Variants in ETAA1 observed in about 807,000 individuals in gnomAD.
ETAA1 encodes the protein ETAA1 activator of ATR kinase, also known as ewing's tumor-associated antigen 1.
A neutral mutation model predicts 76.8 loss-of-function variants in ETAA1; 49 were observed. The ratio of observed to expected loss-of-function variants is 0.64; its 90% CI spans 0.51 to 0.81. The LOEUF is 0.81. Among genes scored for constraint, ETAA1 ranks in the 30% least tolerant of loss-of-function variants. ETAA1 has a pLI of 0.00. For missense variants in ETAA1, 1,099 were observed against 1,074.0 expected, an observed-to-expected ratio of 1.02 and a Z score of -0.32; for synonymous variants, 373 against 372.2, an observed-to-expected ratio of 1.00 and a Z score of -0.03.
At chr2:67,397,750 G>C in intron 1 of ETAA1, 79 bp downstream of exon 1, 1 of 1,392,788 alleles carries the variant, frequency 7.2e-7, no homozygotes, top group Admixed American at 2.0e-5. Flanking sequence ...GAAATCTGGG[G>C]TGGGGGTGGA....
In ETAA1 at chr2:67,411,924, G is replaced by A. The variant is rs1676382114; in HGVS notation, c.*1886G>A. 2 of 151,898 alleles carry A rather than the reference G, an allele frequency of 1.3e-5. No individual in the cohort carries two copies. Among genetic ancestry groups the A allele is most frequent in the South Asian group, 4.1e-4 (2 of 4,822 alleles). The allele number at this position is 151,898 out of a possible 1,614,324, so 9.4% of individuals were successfully genotyped here. A position where few individuals can be genotyped will look rare whatever the true frequency, so the allele number is the denominator to read the frequency against. ...CTGCTTACTGCTTGCTTTTTTAAGA[G>A]TACTTTTAGCCTATTCTGTTCATTC... On this transcript the variant is annotated 3_prime_UTR_variant, in exon 6 of 6. Transcript: ENST00000272342.
intron 5 of ETAA1, among the ~76,000 whole-genome samples, chr2:67,407,246 T>TAAAAAAAAA (rs71395915): frequency 2.0e-5 from 2 of 102,294 alleles, no homozygotes; most frequent in Non-Finnish European, 2.1e-5. Flanking sequence ...GCTGATGAAC[T>TAAAAAAAAA]AAAAAAAAAA....
In ETAA1 at chr2:67,403,092, G is replaced by GAC. The variant is rs553377987; in HGVS notation, c.542+119_542+120insCA. The GAC allele has an allele frequency of 5.2e-4, 592 of 1,138,236 alleles. 5 individuals are homozygous for GAC. In the African/African-American group the frequency reaches 8.5e-3, roughly 16 times the overall value. The allele number at this position is 1,138,236 out of a possible 1,614,324, so 70.5% of individuals were successfully genotyped here. A position where few individuals can be genotyped will look rare whatever the true frequency, so the allele number is the denominator to read the frequency against. On this transcript the variant is annotated intron_variant, in intron 4 of 5. Coordinates refer to ENST00000272342, the MANE Select transcript of ETAA1 (RefSeq NM_019002.4). ...TTGTTAATAAAATTTCCACAGTTTTGATCTATCAAATTTTGGAGTTAAAAT... is the reference window on the plus strand; with the variant it reads ...TTGTTAATAAAATTTCCACAGTTTTGACATCTATCAAATTTTGGAGTTAAAAT...
chr2:67,399,481 A>C, intron 2 of ETAA1, 69 bp from the exon 3 acceptor site: 1 of 1,282,278 alleles, frequency 7.8e-7, no homozygotes, highest in Non-Finnish European at 1.1e-6. Context: ...CTTTCTAAGA[A>C]GTGACAGCTG....
chr2:67,397,907 TA>T (rs1675928593), intron 1 of ETAA1, among the ~76,000 whole-genome samples: 1 of 152,168 alleles, frequency 6.6e-6, no homozygotes, highest in Non-Finnish European at 1.5e-5. Context: ...CAGGAATAGG[TA>T]ATGTGGTTTA....
chr2:67,403,702 A>G lies in ETAA1; in HGVS notation c.1020A>G (p.Pro340=). 6.2e-7 allele frequency: 1 copy of G among 1,613,412 alleles called. No homozygotes were observed. The change falls in exon 5 of 6, where the codon CCA becomes CCG. Residue 340 remains proline (P), a synonymous_variant. Transcript: ENST00000272342. The part of the protein sequence containing the change: ...LVIEKLSNKT[P]RSLSSQVDTP... ...TTGAAAAACTGTCAAATAAAACCCC[A>G]CGATCACTTTCTTCTCAAGTAGATA...
intron 3 of ETAA1, chr2:67,401,034 T>G (rs1253014109): frequency 1.3e-5 from 2 of 152,066 alleles, no homozygotes; most frequent in Admixed American, 1.3e-4. Context: ...CATAATAAAA[T>G]GTGTTTGGGT....
intron 1 of ETAA1, among the ~76,000 whole-genome samples, chr2:67,398,453 A>G (rs1675958578): frequency 6.6e-6 from 1 of 151,804 alleles, no homozygotes; most frequent in Non-Finnish European, 1.5e-5. Flanking sequence ...CTCCTGCCTC[A>G]GCCTCCCAAG....
chr2:67,408,782 GT>G (rs1676286950), intron 5 of ETAA1, among the ~76,000 whole-genome samples: 1 of 152,094 alleles, frequency 6.6e-6, no homozygotes, highest in African/African-American at 2.4e-5. Context: ...AGGAAGTTAT[GT>G]TTTCTGCTGT....
At position 67,403,565 on chromosome 2, in the gene ETAA1, G is replaced by C. The variant is rs189478486; in HGVS notation, c.883G>C (p.Gly295Arg). Residue 295 changes from glycine (G) to arginine (R), a missense_variant, in exon 5 of 6, where the codon GGA becomes CGA. Coordinates refer to ENST00000272342, the MANE Select transcript of ETAA1 (RefSeq NM_019002.4). ...TGATGGTTCTACTCAGAAATGTAGC[G>C]GACAGTTAAGCCAAGAACTGCCAGA... ...IFDGSTQKCS[G>R]QLSQELPEAF... 1 of 1,613,242 alleles carries C rather than the reference G, an allele frequency of 6.2e-7. No homozygotes were observed. Among genetic ancestry groups the C allele is most frequent in the Non-Finnish European group, 8.5e-7 (1 of 1,179,384 alleles).
Position 67,399,284 on chromosome 2 carries a change from G to A in ETAA1, c.339G>A (p.Leu113=). The A allele has an allele frequency of 6.2e-7, 1 of 1,610,236 alleles. No individual in the cohort carries two copies. Among genetic ancestry groups the A allele is most frequent in the South Asian group, 1.1e-5 (1 of 89,996 alleles). ...TCTTTTGGGATCAGAATTCTCCATT[G>A]ACAAAGCAGTTAGGTAATTAATTAT... The part of the protein sequence containing the change: ...NDIFWDQNSP[L]TKQLGKGRKK... The change falls in exon 2 of 6, where the codon TTG becomes TTA. Residue 113 remains leucine (L), a synonymous_variant. Coordinates refer to ENST00000272342, the MANE Select transcript of ETAA1 (RefSeq NM_019002.4).
chr2:67,409,284 G>T (rs933789891), intron 5 of ETAA1, among the ~76,000 whole-genome samples: 8 of 152,020 alleles, frequency 5.3e-5, no homozygotes, highest in African/African-American at 1.9e-4. Flanking sequence ...AGTTAATTGA[G>T]ATTATTTTAA....
intron 2 of ETAA1, 103 bp downstream of exon 2, chr2:67,399,400 G>GT: frequency 8.3e-7 from 1 of 1,208,938 alleles, no homozygotes; most frequent in Non-Finnish European, 1.2e-6. Flanking sequence ...CTCTGAGAAT[G>GT]TTATATGATT....
intron 3 of ETAA1, 31 bp from the exon 4 acceptor site, chr2:67,402,831 T>C: frequency 6.7e-7 from 1 of 1,500,520 alleles, no homozygotes; most frequent in Non-Finnish European, 9.0e-7. Context: ...CACTGGTACT[T>C]TATACCTCTT....
rs1486895186 is a variant in ETAA1 at position 67,397,521 on chromosome 2, G to T, written c.73G>T (p.Glu25Ter). 1.9e-6 allele frequency: 3 copies of T among 1,596,512 alleles called. No individual in the cohort carries two copies. Among genetic ancestry groups the T allele is most frequent in the Non-Finnish European group, 2.6e-6 (3 of 1,171,622 alleles). ...GCCGCACAAAACAGTGGCGGCGGAG[G>T]AATGCGGCTCGGTGGTCGAGCCAGG... ...KTPHKTVAAE[E>*]CGSVVEPGRR... The change falls in exon 1 of 6, where the codon GAA becomes TAA. Residue 25 changes from glutamate (E) to a stop codon, truncating the protein, a stop_gained. Coordinates refer to ENST00000272342, the MANE Select transcript of ETAA1 (RefSeq NM_019002.4). LOFTEE classifies it high-confidence loss of function.
chr2:67,402,494 A>C (rs1676082218), intron 3 of ETAA1: 1 of 152,444 alleles, frequency 6.6e-6, no homozygotes, highest in South Asian at 2.1e-4. Flanking sequence ...AGTTTCTGAC[A>C]CTAATGTTTT....
rs886718980 is a variant in ETAA1, at chr2:67,399,383, C to T, written c.352+86C>T. The T allele has an allele frequency of 1.8e-5, 23 of 1,296,648 alleles. No individual in the cohort carries two copies. The African/African-American group carries it at 2.3e-4, about 13-fold the overall frequency. The allele number at this position is 1,296,648 out of a possible 1,614,324, so 80.3% of individuals were successfully genotyped here. On this transcript the variant is annotated intron_variant, in intron 2 of 5. Coordinates refer to ENST00000272342, the MANE Select transcript of ETAA1 (RefSeq NM_019002.4). Reference sequence around the variant, plus strand: ...TAGAATTCTAGTCAGATAATAGCATCGGGAACCTCTGAGAATGTTATATGA... The same window carrying T: ...TAGAATTCTAGTCAGATAATAGCATTGGGAACCTCTGAGAATGTTATATGA...
At chr2:67,407,080 C>T (rs1387252049) in intron 5 of ETAA1, among the ~76,000 whole-genome samples, 1 of 151,888 alleles carries the variant, frequency 6.6e-6, no homozygotes, top group Non-Finnish European at 1.5e-5. Context: ...ATGGATACCA[C>T]CAAATTTCTA....
In ETAA1 at chr2:67,404,813, C is replaced by A. The variant is rs780692243; in HGVS notation, c.2131C>A (p.Gln711Lys). ...SVQTSLTNSS[Q>K]IDKPMKMEKG... Reference sequence around the variant, plus strand: ...GCAGACATCTTTGACAAATAGCTCACAAATAGATAAGCCAATGAAGATGGA... The same window carrying A: ...GCAGACATCTTTGACAAATAGCTCAAAAATAGATAAGCCAATGAAGATGGA... Residue 711 changes from glutamine to lysine, a missense_variant, in exon 5 of 6, where the codon CAA becomes AAA. By Grantham distance (53) the Gln-to-Lys change is moderately conservative (BLOSUM62 1). Transcript: ENST00000272342. 2.2e-5 allele frequency: 35 copies of A among 1,613,186 alleles called. 1 individual carries two copies. In the South Asian group the frequency reaches 3.7e-4, roughly 17 times the overall value.
Sources: gnomAD v4.1 joint callset for allele counts (sites outside exome capture counted in the v4.1 genomes callset) on GRCh38, gnomAD v4.1.1 for gene constraint, MANE v1.5 for transcripts, NCBI Gene and HGNC (gene_info 2026-07-23, HGNC 2026-07-21) for gene names.